The following EXOC6 variants were observed in gnomAD, a reference collection of about 807,000 sequenced individuals.
The protein encoded by EXOC6 is SEC15-like 1.
In EXOC6, 60 loss-of-function variants were observed where a neutral mutation model predicts 112.5. The ratio of observed to expected loss-of-function variants is 0.53; its 90% CI spans 0.43 to 0.66. EXOC6 has a LOEUF of 0.66. Among genes scored for constraint, EXOC6 ranks in the 30% least tolerant of loss-of-function variants. The pLI, the probability that EXOC6 is intolerant of heterozygous loss-of-function variation, is 0.00. For synonymous variants in EXOC6, 295 were observed against 308.0 expected (o/e 0.96, Z 0.44); for missense variants, 855 against 957.1 (o/e 0.89, Z 1.41).
At chr10:93,015,518 G>A (rs914462086) in intron 20 of EXOC6, among the ~76,000 whole-genome samples, 1 of 152,174 alleles carries the variant, frequency 6.6e-6, no homozygotes, top group East Asian at 1.9e-4. Context: ...TGGATCACAA[G>A]GTCAGGAGAT....
chr10:92,962,565 A>C (rs1854069969), intron 17 of EXOC6, among the ~76,000 whole-genome samples: 1 of 151,946 alleles, frequency 6.6e-6, no homozygotes, highest in Admixed American at 6.6e-5. Flanking sequence ...ATTTAAAAAA[A>C]ATTGTTTTGT....
At chr10:93,044,553 CA>C (rs796091582) in intron 20 of EXOC6, among the ~76,000 whole-genome samples, 19 of 152,056 alleles carry the variant, frequency 1.2e-4, no homozygotes, top group African/African-American at 4.6e-4. Flanking sequence ...GATTCCAAGG[CA>C]AAATGGTAAT....
At chr10:92,917,625 A>G (rs1414659000) in intron 7 of EXOC6, among the ~76,000 whole-genome samples, 6 of 151,406 alleles carry the variant, frequency 4.0e-5, no homozygotes, top group African/African-American at 1.5e-4. Context: ...TCTGGGTCCA[A>G]GTGTTCTTCC....
chr10:92,843,862 C>T (rs752155168), upstream of EXOC6, among the ~76,000 whole-genome samples: 168 of 151,414 alleles, frequency 1.1e-3, 2 homozygotes, highest in Non-Finnish European at 5.6e-4. Context: ...GTGGCTGGCA[C>T]CTGTAATCCC....
At chr10:92,831,203 A>C, upstream of EXOC6, 1 of 507,278 alleles carries the variant, frequency 2.0e-6, no homozygotes, top group Non-Finnish European at 3.5e-6. Flanking sequence ...AGCAGAAGAC[A>C]GTGGGGTGGG....
chr10:92,973,029 TC>T (rs1319036775), intron 17 of EXOC6, among the ~76,000 whole-genome samples: 3 of 152,214 alleles, frequency 2.0e-5, no homozygotes, highest in Non-Finnish European at 2.9e-5. Flanking sequence ...TTACCTACCA[TC>T]TCAGGCATCC....
At chr10:92,929,177 C>T (rs1397782380) in intron 9 of EXOC6, among the ~76,000 whole-genome samples, 5 of 152,146 alleles carry the variant, frequency 3.3e-5, no homozygotes, top group Non-Finnish European at 7.4e-5. Context: ...TTAGGATGAG[C>T]TAGAGATAAA....
At chr10:92,829,264 A>T (rs1589660015) in intron 1 of EXOC6, among the ~76,000 whole-genome samples, 1 of 152,164 alleles carries the variant, frequency 6.6e-6, no homozygotes, top group East Asian at 1.9e-4. Flanking sequence ...TGGTCCAGCC[A>T]ATCTGTGCGC....
At chr10:92,899,934 A>AT in intron 5 of EXOC6, 1 of 284,998 alleles carries the variant, frequency 3.5e-6, no homozygotes, top group Non-Finnish European at 6.6e-6. Context: ...CTAATATTGC[A>AT]TGTAACTAAG....
intron 20 of EXOC6, among the ~76,000 whole-genome samples, chr10:93,048,065 G>A (rs1846087533): frequency 6.6e-6 from 1 of 152,142 alleles, no homozygotes; most frequent in African/African-American, 2.4e-5. Context: ...CCTACATGAA[G>A]CTGAACTCTT....
chr10:92,890,219 G>T (rs1849430181), intron 1 of EXOC6, among the ~76,000 whole-genome samples: 1 of 152,016 alleles, frequency 6.6e-6, no homozygotes, highest in South Asian at 2.1e-4. Flanking sequence ...TCATTTTGGA[G>T]GATGCTAATG....
intron 20 of EXOC6, among the ~76,000 whole-genome samples, chr10:93,053,939 G>GTA (rs1377877981): frequency 6.6e-6 from 1 of 152,214 alleles, no homozygotes; most frequent in Non-Finnish European, 1.5e-5. Flanking sequence ...ATGTCCATGT[G>GTA]TAGTCTTTGG....
chr10:92,860,241 C>T (rs1346765216), intron 1 of EXOC6, among the ~76,000 whole-genome samples: 1 of 149,372 alleles, frequency 6.7e-6, no homozygotes, highest in Non-Finnish European at 1.5e-5. Flanking sequence ...ATTGTTCTGC[C>T]ACCATTATCA....
At chr10:93,056,297 T>G (rs1846534189) in intron 20 of EXOC6, among the ~76,000 whole-genome samples, 2 of 152,164 alleles carry the variant, frequency 1.3e-5, no homozygotes, top group Admixed American at 1.3e-4. Context: ...GGGTTTCTTT[T>G]TTGTTGTTGT....
chr10:93,055,876 A>G (rs1846515537), intron 20 of EXOC6, among the ~76,000 whole-genome samples: 1 of 152,206 alleles, frequency 6.6e-6, no homozygotes, highest in African/African-American at 2.4e-5. Context: ...AAGAAAAGCT[A>G]GTTTCTGGTG....
At chr10:92,882,495 G>T (rs556410766) in intron 1 of EXOC6, among the ~76,000 whole-genome samples, 8 of 142,470 alleles carry the variant, frequency 5.6e-5, no homozygotes, top group African/African-American at 1.8e-4. Context: ...AGTGAGCCAA[G>T]ATCGTGCCAC....
upstream of EXOC6, among the ~76,000 whole-genome samples, chr10:92,832,386 G>T (rs146967008): frequency 2.0e-5 from 3 of 151,270 alleles, no homozygotes; most frequent in African/African-American, 7.3e-5. Context: ...CAAGCGATTC[G>T]CCTGCCTCAG....
intron 18 of EXOC6, among the ~76,000 whole-genome samples, chr10:92,988,437 TG>T (rs887022178): frequency 3.9e-5 from 6 of 152,306 alleles, no homozygotes; most frequent in Middle Eastern, 3.4e-3. Context: ...TTCTTATTCC[TG>T]TTACTGAAGT....
intron 13 of EXOC6, among the ~76,000 whole-genome samples, chr10:92,947,853 G>A (rs557146138): frequency 1.2e-3 from 181 of 151,768 alleles, no homozygotes; most frequent in African/African-American, 4.2e-3. Flanking sequence ...GCAGTGAGCC[G>A]AGATCACACC....
Sources: gnomAD v4.1 joint callset for allele counts (sites outside exome capture counted in the v4.1 genomes callset) on GRCh38, gnomAD v4.1.1 for gene constraint, MANE v1.5 for transcripts, NCBI Gene and HGNC (gene_info 2026-07-23, HGNC 2026-07-21) for gene names.